CNNM2: variants seen among roughly 807,000 people sequenced by gnomAD.
CNNM2 encodes the protein metal transporter CNNM2.
Under a neutral mutation model 66.9 loss-of-function variants are expected in CNNM2, and 12 were observed. The observed-to-expected ratio is 0.18, with a 90% CI of 0.11 to 0.29. The LOEUF is 0.29. Ranked by LOEUF, CNNM2 falls within the 10% of genes least tolerant of loss-of-function variation. CNNM2 has a pLI of 1.00. For missense variants in CNNM2, 705 were observed against 1,167.7 expected (o/e 0.60, Z 5.77); for synonymous variants, 557 against 501.8 (o/e 1.11, Z -1.47).
At chr10:103,068,905 T>A (rs1481680796) in intron 5 of CNNM2, among the ~76,000 whole-genome samples, 183 bp downstream of exon 5, 1 of 152,174 alleles carries the variant, frequency 6.6e-6, no homozygotes, top group African/African-American at 2.4e-5. Context: ...CTCCATGAAT[T>A]CTCACAAACT....
chr10:102,995,536 G>T (rs374304821), intron 1 of CNNM2, among the ~76,000 whole-genome samples: 4 of 151,716 alleles, frequency 2.6e-5, no homozygotes, highest in African/African-American at 9.7e-5. Context: ...ACTCAGCTTT[G>T]CCTTTAAAAT....
At chr10:103,037,297 C>T (rs1201869957) in intron 1 of CNNM2, among the ~76,000 whole-genome samples, 1 of 148,620 alleles carries the variant, frequency 6.7e-6, no homozygotes, top group Non-Finnish European at 1.5e-5. Flanking sequence ...ATATATAATA[C>T]ATTTTCATAG....
rs145069091 is a variant in CNNM2, at chr10:102,950,383, C to T, written c.1621+30282C>T. ...AATAATATGAGAAACAGAGTCTTAC[C>T]ATATTTTTCAACTGTGCATGTATTT... is the stretch of plus-strand genomic sequence containing the variant. On this transcript the variant is annotated intron_variant, in intron 1 of 7. Coordinates refer to ENST00000369878, the MANE Select transcript of CNNM2 (RefSeq NM_017649.5). Among the ~76,000 whole-genome samples the T allele has an allele frequency of 7.2e-5, 11 of 152,178 alleles. No homozygotes were observed. In the East Asian group the frequency reaches 2.1e-3, roughly 29 times the overall value.
At chr10:102,960,718 C>T (rs904876681) in intron 1 of CNNM2, among the ~76,000 whole-genome samples, 48 of 150,252 alleles carry the variant, frequency 3.2e-4, no homozygotes, top group African/African-American at 9.3e-4. Context: ...CTCCCAGGCT[C>T]AAGCTATCCT....
intron 4 of CNNM2, among the ~76,000 whole-genome samples, chr10:103,060,946 C>T (rs2065375469): frequency 6.6e-6 from 1 of 151,962 alleles, no homozygotes; most frequent in Non-Finnish European, 1.5e-5. Context: ...TATAGTATTA[C>T]CATAAAAGTC....
chr10:103,000,666 G>A (rs1340433221), intron 1 of CNNM2, among the ~76,000 whole-genome samples: 7 of 152,010 alleles, frequency 4.6e-5, no homozygotes, highest in Non-Finnish European at 7.4e-5. Flanking sequence ...GGCTGTTCTC[G>A]AACTCCTGAC....
chr10:103,012,852 A>G (rs1408438206), intron 1 of CNNM2, among the ~76,000 whole-genome samples: 2 of 152,140 alleles, frequency 1.3e-5, no homozygotes, highest in African/African-American at 2.4e-5. Flanking sequence ...GATACTGAAC[A>G]TTCTCCAGTG....
intron 1 of CNNM2, among the ~76,000 whole-genome samples, chr10:102,954,462 A>G (rs1222710636): frequency 6.6e-6 from 1 of 152,176 alleles, no homozygotes; most frequent in African/African-American, 2.4e-5. Context: ...TTAAAGGCAT[A>G]ATTCAATTAA....
At chr10:103,069,699 C>T (rs890707202) in intron 5 of CNNM2, among the ~76,000 whole-genome samples, 1 of 152,206 alleles carries the variant, frequency 6.6e-6, no homozygotes, top group Non-Finnish European at 1.5e-5. Context: ...GGCTTGCTGG[C>T]CTCTGGGGAT....
intron 1 of CNNM2, among the ~76,000 whole-genome samples, chr10:103,036,100 G>A (rs1046018613): frequency 6.6e-6 from 1 of 151,778 alleles, no homozygotes; most frequent in African/African-American, 2.4e-5. Context: ...TATCAGTCAG[G>A]ATCCAACCAG....
intron 1 of CNNM2, among the ~76,000 whole-genome samples, chr10:102,943,924 T>A (rs1846516405): frequency 6.6e-6 from 1 of 152,148 alleles, no homozygotes; most frequent in African/African-American, 2.4e-5. Flanking sequence ...ACAATTCCAT[T>A]GTTTTCTTGA....
rs955236498 is a variant in CNNM2 at position 103,079,926 on chromosome 10, G to A, written c.*2746G>A. The A allele has an allele frequency of 6.6e-6, 1 of 152,188 alleles. No homozygotes were observed. Among genetic ancestry groups the A allele is most frequent in the Non-Finnish European group, 1.5e-5 (1 of 68,048 alleles). 9.4% of individuals were successfully genotyped at this position (152,188 alleles called of 1,614,324 possible). A position where few individuals can be genotyped will look rare whatever the true frequency, so the allele number is the denominator to read the frequency against. On this transcript the variant is annotated 3_prime_UTR_variant, in exon 8 of 8. Coordinates refer to ENST00000369878, the MANE Select transcript of CNNM2 (RefSeq NM_017649.5). ...GAAACCAACCTCTCAGATGGTTGGA[G>A]GAGAAACACTGGGCTGTTGCTTCTT...
intron 1 of CNNM2, among the ~76,000 whole-genome samples, chr10:102,928,568 G>A (rs1845956556): frequency 7.0e-6 from 1 of 142,738 alleles, no homozygotes; most frequent in South Asian, 2.3e-4. Context: ...GGCAACAAGA[G>A]TGAAACTCTG....
rs965518620 is a variant in CNNM2 at position 103,084,826 on chromosome 10, C to T, written c.*7646C>T. 6.6e-6 allele frequency: 1 copy of T among 151,502 alleles called. No homozygotes were observed. The highest frequency in any genetic ancestry group is 2.4e-5 in the African/African-American group (1 of 41,284). The allele number at this position is 151,502 out of a possible 1,614,324, so 9.4% of individuals were successfully genotyped here. On this transcript the variant is annotated 3_prime_UTR_variant, in exon 8 of 8. Coordinates refer to ENST00000369878, the MANE Select transcript of CNNM2 (RefSeq NM_017649.5). ...GTCTTGTAGAGAAAGTGGTTAAAAACTGACCTTTTTATAGCCTGGAGTTGA... is the reference window on the plus strand; with the variant it reads ...GTCTTGTAGAGAAAGTGGTTAAAAATTGACCTTTTTATAGCCTGGAGTTGA...
intron 1 of CNNM2, among the ~76,000 whole-genome samples, chr10:102,931,846 TAAAAA>T (rs774895232): frequency 3.9e-5 from 5 of 128,080 alleles, no homozygotes; most frequent in Middle Eastern, 3.8e-3. Flanking sequence ...TTGTTATTGT[TAAAAA>T]AAAAAAAAAA....
At chr10:103,047,601 A>G (rs1190772021) in intron 1 of CNNM2, among the ~76,000 whole-genome samples, 1 of 152,246 alleles carries the variant, frequency 6.6e-6, no homozygotes, top group African/African-American at 2.4e-5. Flanking sequence ...AAGGGTTTAT[A>G]GGAACTCTCT....
Position 103,089,102 on chromosome 10 carries a change from C to T in CNNM2, c.*11922C>T, listed in dbSNP as rs566378596. 4.4e-6 allele frequency: 1 copy of T among 226,758 alleles called. No individual in the cohort carries two copies. Among genetic ancestry groups the T allele is most frequent in the Non-Finnish European group, 8.8e-6 (1 of 114,114 alleles). 14.0% of individuals were successfully genotyped at this position (226,758 alleles called of 1,614,324 possible). ...AAAGCAACGCAAGTAGAGCATACTT[C>T]TGTGCAAAGCCAGTGATAGAGAAGC... On this transcript the variant is annotated 3_prime_UTR_variant, in exon 8 of 8. Transcript: ENST00000369878.
intron 1 of CNNM2, among the ~76,000 whole-genome samples, chr10:102,987,617 G>A (rs2063821470): frequency 6.6e-6 from 1 of 151,714 alleles, no homozygotes; most frequent in Non-Finnish European, 1.5e-5. Context: ...CACTGCGCCC[G>A]GCCAAGCTTA....
At chr10:103,000,643 A>G (rs2064101469) in intron 1 of CNNM2, among the ~76,000 whole-genome samples, 1 of 152,028 alleles carries the variant, frequency 6.6e-6, no homozygotes, top group African/African-American at 2.4e-5. Flanking sequence ...TAAGGGTTTC[A>G]CCATATTGGC....
Sources: gnomAD v4.1 joint callset for allele counts (sites outside exome capture counted in the v4.1 genomes callset) on GRCh38, gnomAD v4.1.1 for gene constraint, MANE v1.5 for transcripts, NCBI Gene and HGNC (gene_info 2026-07-23, HGNC 2026-07-21) for gene names.